The following CSMD1 variants were observed in gnomAD, a reference collection of about 807,000 sequenced individuals.
The protein encoded by CSMD1 is CUB and Sushi multiple domains 1, also known as CUB and sushi domain-containing protein 1.
A neutral mutation model predicts 417.5 loss-of-function variants in CSMD1; 213 were observed. That is an observed-to-expected ratio of 0.51 (90% CI 0.46 to 0.57). The LOEUF (loss-of-function observed/expected upper bound fraction) is 0.57. Ranked by LOEUF, CSMD1 falls within the 20% of genes least tolerant of loss-of-function variation. The pLI is 0.00. For synonymous variants in CSMD1, 2,862 were observed against 1,736.8 expected (o/e 1.65, Z -16.11); for missense variants, 6,923 against 4,529.7 (o/e 1.53, Z -15.17).
intron 3 of CSMD1, among the ~76,000 whole-genome samples, chr8:4,135,140 T>A (rs137920911): frequency 2.4e-4 from 36 of 152,308 alleles, no homozygotes; most frequent in African/African-American, 7.9e-4. Context: ...CAAAATATTG[T>A]CATATTCTGG....
chr8:3,264,677 T>TA (rs926176639), intron 26 of CSMD1, among the ~76,000 whole-genome samples: 4 of 152,138 alleles, frequency 2.6e-5, no homozygotes, highest in African/African-American at 4.8e-5. Flanking sequence ...TGTGGGGTCG[T>TA]AAAAAGAGTA....
At chr8:3,773,310 G>T (rs1453791425) in intron 5 of CSMD1, among the ~76,000 whole-genome samples, 2 of 152,138 alleles carry the variant, frequency 1.3e-5, no homozygotes. Flanking sequence ...GTAGGATGGG[G>T]TCTTGCCCTG....
intron 7 of CSMD1, among the ~76,000 whole-genome samples, chr8:3,675,104 A>G (rs1799303983): frequency 6.6e-6 from 1 of 152,152 alleles, no homozygotes; most frequent in Non-Finnish European, 1.5e-5. Context: ...TCTTGAAGAG[A>G]TGCAGTGGCC....
At chr8:3,791,982 C>G (rs1799770759) in intron 5 of CSMD1, among the ~76,000 whole-genome samples, 1 of 151,218 alleles carries the variant, frequency 6.6e-6, no homozygotes, top group African/African-American at 2.4e-5. Flanking sequence ...CTTCCTTGTT[C>G]TTTTCTGATT....
At chr8:4,803,525 C>A (rs1798424625) in intron 1 of CSMD1, among the ~76,000 whole-genome samples, 1 of 152,110 alleles carries the variant, frequency 6.6e-6, no homozygotes, top group Admixed American at 6.5e-5. Flanking sequence ...CCAGAACTAC[C>A]AGAGACAAAT....
intron 1 of CSMD1, among the ~76,000 whole-genome samples, chr8:4,695,596 C>T (rs902116574): frequency 6.6e-6 from 1 of 152,088 alleles, no homozygotes; most frequent in Non-Finnish European, 1.5e-5. Flanking sequence ...CCCTATCCCC[C>T]CCACCACACA....
At chr8:3,092,525 T>A (rs1286627461) in intron 47 of CSMD1, among the ~76,000 whole-genome samples, 1 of 152,204 alleles carries the variant, frequency 6.6e-6, no homozygotes, top group African/African-American at 2.4e-5. Context: ...CTTCTAAATT[T>A]ACCTGTACAC....
At chr8:3,259,119 C>A (rs375027863) in intron 26 of CSMD1, among the ~76,000 whole-genome samples, 3 of 152,116 alleles carry the variant, frequency 2.0e-5, no homozygotes, top group Non-Finnish European at 4.4e-5. Flanking sequence ...TATGACAAGA[C>A]AAATTATTAT....
intron 2 of CSMD1, among the ~76,000 whole-genome samples, chr8:4,591,620 G>A (rs1422733296): frequency 6.6e-6 from 1 of 152,178 alleles, no homozygotes; most frequent in African/African-American, 2.4e-5. Context: ...TGGCGGAACT[G>A]GGCCTTCAAC....
chr8:3,721,586 A>C (rs1033176022), intron 6 of CSMD1, among the ~76,000 whole-genome samples: 2 of 152,210 alleles, frequency 1.3e-5, no homozygotes, highest in African/African-American at 4.8e-5. Context: ...TTCAGGTTCA[A>C]ACTTATTTTC....
chr8:3,091,146 TATC>T (rs1342373467), intron 48 of CSMD1, among the ~76,000 whole-genome samples: 2 of 152,144 alleles, frequency 1.3e-5, no homozygotes, highest in African/African-American at 2.4e-5. Context: ...AGTAAGAGAT[TATC>T]ATCACTTATG....
intron 51 of CSMD1, among the ~76,000 whole-genome samples, chr8:3,023,523 G>T (rs968996464): frequency 3.9e-5 from 6 of 152,044 alleles, no homozygotes; most frequent in African/African-American, 1.5e-4. Flanking sequence ...GTTTCTTGAA[G>T]GACAGGACTG....
intron 1 of CSMD1, among the ~76,000 whole-genome samples, chr8:4,712,462 T>G (rs2116869641): frequency 6.6e-6 from 1 of 152,318 alleles, no homozygotes; most frequent in Non-Finnish European, 1.5e-5. Context: ...TCACAATTTT[T>G]TTTCCCATGT....
chr8:3,347,804 C>G (rs1808111487), intron 22 of CSMD1, among the ~76,000 whole-genome samples, 188 bp downstream of exon 22: 1 of 152,142 alleles, frequency 6.6e-6, no homozygotes, highest in Non-Finnish European at 1.5e-5. Flanking sequence ...ATTTCAAAGT[C>G]CACATACACT....
At chr8:3,523,379 A>G (rs1228898736) in intron 10 of CSMD1, among the ~76,000 whole-genome samples, 2 of 152,224 alleles carry the variant, frequency 1.3e-5, no homozygotes, top group Non-Finnish European at 2.9e-5. Flanking sequence ...TGGAACTTTG[A>G]GGGACAAAGA....
intron 10 of CSMD1, among the ~76,000 whole-genome samples, chr8:3,559,788 GGA>G (rs1393210300): frequency 1.3e-5 from 2 of 152,100 alleles, no homozygotes; most frequent in Non-Finnish European, 2.9e-5. Context: ...ATTAGAAAAT[GGA>G]GAGTGAGGAG....
Position 3,268,287 on chromosome 8 carries a change from C to CTTTTTTTT in CSMD1, c.4153+15856_4153+15857insAAAAAAAA, listed in dbSNP as rs1172040830. Among the ~76,000 whole-genome samples the CTTTTTTTT allele has an allele frequency of 1.5e-3, 170 of 114,608 alleles. 13 individuals are homozygous for CTTTTTTTT. Among genetic ancestry groups the CTTTTTTTT allele is most frequent in the African/African-American group, 2.3e-3 (66 of 28,824 alleles). The allele number at this position is 114,608 out of a possible 152,430, so 75.2% of individuals were successfully genotyped here. A position where few individuals can be genotyped will look rare whatever the true frequency, so the allele number is the denominator to read the frequency against. ...AGGGTGTGGTCAGATGGTTCATTTC[C>CTTTTTTTT]TATTTTTTTTTTTTTTTTTTTTTTT... is the stretch of plus-strand genomic sequence containing the variant. On this transcript the variant is annotated intron_variant, in intron 26 of 69. Transcript: ENST00000635120.
chr8:3,350,677 T>C (rs967762683), intron 21 of CSMD1, among the ~76,000 whole-genome samples: 14 of 152,208 alleles, frequency 9.2e-5, no homozygotes, highest in African/African-American at 2.9e-4. Flanking sequence ...TTGCAGCTGA[T>C]ATTTGTTATT....
chr8:3,875,596 T>A (rs116470681), intron 5 of CSMD1, among the ~76,000 whole-genome samples: 287 of 152,146 alleles, frequency 1.9e-3, no homozygotes, highest in African/African-American at 6.7e-3. Context: ...AGTCCCATTG[T>A]GAGAGGAGGA....
Sources: allele counts gnomAD v4.1 joint callset (sites outside exome capture counted in the v4.1 genomes callset), GRCh38; gene constraint gnomAD v4.1.1; transcripts MANE v1.5; gene names NCBI Gene and HGNC (gene_info 2026-07-23, HGNC 2026-07-21).